The following TENM1 variants were observed in gnomAD, a reference collection of about 807,000 sequenced individuals.
TENM1 encodes teneurin-1.
In TENM1, 35 loss-of-function variants were observed where a neutral mutation model predicts 174.8. The ratio of observed to expected loss-of-function variants is 0.20; its 90% confidence interval spans 0.15 to 0.27. TENM1 has a LOEUF of 0.27. Ranked by LOEUF, TENM1 falls within the 10% of genes least tolerant of loss-of-function variation. The pLI, the probability that TENM1 is intolerant of heterozygous loss-of-function variation, is 1.00. For missense variants in TENM1, 1,633 were observed against 2,130.1 expected (o/e 0.77, Z 4.59); for synonymous variants, 781 against 798.7 (o/e 0.98, Z 0.37).
intron 1 of TENM1, among the ~76,000 whole-genome samples, chrX:124,962,029 T>C (rs1207489006): frequency 9.0e-6 from 1 of 111,579 alleles, no homozygotes; most frequent in African/African-American, 3.3e-5. Context: ...GTATGTGTGG[T>C]TGGGAGAATG....
chrX:124,645,474 T>C, intron 9 of TENM1, 137 bp from the exon 13 acceptor site: 1 of 524,010 alleles, frequency 1.9e-6, no homozygotes, highest in African/African-American at 2.3e-5. Context: ...TAGGCACATG[T>C]TCATGATTAC....
chrX:124,543,909 T>TGCACAAGGATGCACAAGGA (rs2048375743), intron 15 of TENM1, among the ~76,000 whole-genome samples: 1 of 111,329 alleles, frequency 9.0e-6, no homozygotes, highest in African/African-American at 3.3e-5. Context: ...TCTCTCTTGG[T>TGCACAAGGATGCACAAGGA]TGCACAAGGA....
chrX:124,679,191 C>T (rs1027466504), intron 5 of TENM1, among the ~76,000 whole-genome samples: 7 of 112,516 alleles, frequency 6.2e-5, no homozygotes, highest in Middle Eastern at 4.6e-3. Context: ...TGTCCTGCTT[C>T]GCAGCATGCC....
At chrX:124,423,511 C>A (rs1355608246) in intron 23 of TENM1, among the ~76,000 whole-genome samples, 2 of 111,113 alleles carry the variant, frequency 1.8e-5, no homozygotes, top group African/African-American at 6.6e-5. Context: ...TTACTCTCCA[C>A]GTTATGAAAA....
the TENM1 span, among the ~76,000 whole-genome samples, chrX:125,008,728 C>T: frequency 2.7e-5 from 3 of 112,131 alleles, no homozygotes; most frequent in Non-Finnish European, 5.6e-5. Context: ...GATCCAGAAA[C>T]TCACTAATAC....
At chrX:124,457,444 TG>T (rs1351919705) in intron 22 of TENM1, among the ~76,000 whole-genome samples, 1 of 112,073 alleles carries the variant, frequency 8.9e-6, no homozygotes, top group Non-Finnish European at 1.9e-5. Context: ...ATATCTGAAC[TG>T]CAGGCTCTTT....
chrX:124,949,537 T>A (rs771824051), intron 1 of TENM1, among the ~76,000 whole-genome samples: 15 of 111,503 alleles, frequency 1.3e-4, no homozygotes, highest in Non-Finnish European at 2.4e-4. Flanking sequence ...AGCAGGAGCA[T>A]CCACCCAAGA....
chrX:125,124,495 AT>A, the TENM1 span, among the ~76,000 whole-genome samples: 2 of 111,808 alleles, frequency 1.8e-5, no homozygotes, highest in Admixed American at 9.6e-5. Flanking sequence ...AATTACACAA[AT>A]CACTTGGGTG....
intron 4 of TENM1, among the ~76,000 whole-genome samples, chrX:124,708,404 A>C (rs1053848569): frequency 8.1e-5 from 9 of 111,561 alleles, no homozygotes; most frequent in Non-Finnish European, 1.7e-4. Context: ...ATTATGTATC[A>C]AATGACTTTA....
chrX:124,910,488 G>C (rs941125535), intron 1 of TENM1, among the ~76,000 whole-genome samples: 4 of 112,060 alleles, frequency 3.6e-5, no homozygotes, highest in Non-Finnish European at 7.5e-5. Context: ...ATGATGCCTG[G>C]AACAGTTGAC....
In TENM1 at chrX:124,420,693, G is replaced by A. The variant is rs891371271; in HGVS notation, c.4600C>T (p.His1534Tyr). The A allele has an allele frequency of 2.5e-6, 3 of 1,210,115 alleles. No homozygotes were observed. Among genetic ancestry groups the A allele is most frequent in the Admixed American group, 2.2e-5 (1 of 45,802 alleles). The change falls in exon 25 of 32, where the codon CAC (histidine) becomes TAC (tyrosine). Residue 1534 changes from histidine (H) to tyrosine (Y), a missense_variant. Transcript: ENST00000422452. ...TCATAAATGTTCATGTCATTCAGGTGGGCTTGGTTCCTGCTGATGGTACGA... is the reference window on the plus strand; with the variant it reads ...TCATAAATGTTCATGTCATTCAGGTAGGCTTGGTTCCTGCTGATGGTACGA...
chrX:124,594,736 A>G (rs899997786), intron 11 of TENM1, among the ~76,000 whole-genome samples: 1 of 112,339 alleles, frequency 8.9e-6, no homozygotes, highest in Non-Finnish European at 1.9e-5. Flanking sequence ...AAAACTAATG[A>G]CTATGAACAA....
chrX:124,392,172 T>A (rs1306730099), exon 28 of TENM1: 17 of 1,209,428 alleles, frequency 1.4e-5, no homozygotes, highest in Non-Finnish European at 1.9e-5. Flanking sequence ...ACGTCACCAA[T>A]CCCGAAGGTG....
At chrX:125,155,898 A>G in the TENM1 span, among the ~76,000 whole-genome samples, 3 of 112,460 alleles carry the variant, frequency 2.7e-5, no homozygotes, top group Non-Finnish European at 3.8e-5. Flanking sequence ...CAGCCCAGGA[A>G]GGGGCCCCCA....
chrX:124,691,665 C>T (rs771572051), intron 5 of TENM1, among the ~76,000 whole-genome samples: 11 of 111,926 alleles, frequency 9.8e-5, no homozygotes, highest in African/African-American at 3.6e-4. Context: ...TTCCCCTTTT[C>T]TCTTGATTTC....
At chrX:124,476,342 A>G (rs1173357617) in intron 22 of TENM1, among the ~76,000 whole-genome samples, 1 of 112,236 alleles carries the variant, frequency 8.9e-6, no homozygotes, top group Non-Finnish European at 1.9e-5. Flanking sequence ...TTGTGTCTAG[A>G]CTTTGTTATT....
At chrX:124,981,783 G>A in the TENM1 span, among the ~76,000 whole-genome samples, 2 of 111,054 alleles carry the variant, frequency 1.8e-5, no homozygotes, top group Admixed American at 1.9e-4. Context: ...ATGCCATTGA[G>A]TCTTAGGTTT....
At chrX:124,737,331 G>A (rs2053698544) in intron 3 of TENM1, 134 bp from the exon 7 acceptor site, 1 of 700,407 alleles carries the variant, frequency 1.4e-6, no homozygotes, top group Non-Finnish European at 2.0e-6. Context: ...TTTAAGTTCA[G>A]TCTATCTGTA....
chrX:125,092,072 ATAGAAAAATACCCT>A, the TENM1 span, among the ~76,000 whole-genome samples: 1 of 109,873 alleles, frequency 9.1e-6, no homozygotes, highest in Admixed American at 9.7e-5. Context: ...GATGTTTTGA[ATAGAAAAATACCCT>A]TAGGAAAATA....
Sources: allele counts gnomAD v4.1 joint callset (sites outside exome capture counted in the v4.1 genomes callset), GRCh38; gene constraint gnomAD v4.1.1; transcripts MANE v1.5; gene names NCBI Gene and HGNC (gene_info 2026-07-23, HGNC 2026-07-21).